KCTD8: variants seen among roughly 807,000 people sequenced by gnomAD.
KCTD8 encodes BTB/POZ domain-containing protein KCTD8.
A neutral mutation model predicts 31.5 loss-of-function variants in KCTD8; 27 were observed. The ratio of observed to expected loss-of-function variants is 0.86; its 90% CI spans 0.63 to 1.18. The LOEUF (loss-of-function observed/expected upper bound fraction) is 1.18. KCTD8 is among the 50% of genes most tolerant of loss of function. KCTD8 has a pLI of 0.00. For synonymous variants in KCTD8, 290 were observed against 280.0 expected (o/e 1.04, Z -0.36); for missense variants, 658 against 647.7 (o/e 1.02, Z -0.17).
intron 1 of KCTD8, among the ~76,000 whole-genome samples, chr4:44,325,869 C>G (rs1718430636): frequency 6.6e-6 from 1 of 151,870 alleles, no homozygotes; most frequent in African/African-American, 2.4e-5. Flanking sequence ...TCACCACAAA[C>G]AAGACAGGAA....
intron 1 of KCTD8, among the ~76,000 whole-genome samples, chr4:44,388,899 A>C (rs1481717467): frequency 2.7e-5 from 4 of 149,620 alleles, no homozygotes; most frequent in Non-Finnish European, 5.9e-5. Flanking sequence ...CCACCAAAAA[A>C]AGATAATGTG....
At chr4:44,283,065 T>C (rs1716946199) in intron 1 of KCTD8, among the ~76,000 whole-genome samples, 1 of 122,676 alleles carries the variant, frequency 8.2e-6, no homozygotes, top group African/African-American at 2.7e-5. Flanking sequence ...ATTATTATTA[T>C]TATTATTATT....
intron 1 of KCTD8, among the ~76,000 whole-genome samples, chr4:44,272,107 C>T (rs1001769425): frequency 1.5e-5 from 2 of 130,722 alleles, no homozygotes; most frequent in Non-Finnish European, 3.0e-5. Context: ...TCAATAAATA[C>T]CCATGGTATT....
At chr4:44,428,391 C>A (rs528238679) in intron 1 of KCTD8, among the ~76,000 whole-genome samples, 7 of 151,596 alleles carry the variant, frequency 4.6e-5, no homozygotes, top group African/African-American at 7.2e-5. Flanking sequence ...AGAGAAGTGG[C>A]GTAGAAGTCA....
rs1217410655 is a variant in KCTD8, at chr4:44,328,889, C to T, written c.961+118674G>A. Among the ~76,000 whole-genome samples, 3 of 151,834 alleles carry T rather than the reference C, an allele frequency of 2.0e-5. No homozygotes were observed. The East Asian group carries it at 5.8e-4, about 29-fold the overall frequency. On this transcript the variant is annotated intron_variant, in intron 1 of 1. Transcript: ENST00000360029. ...TCCATGGCAGCTAAGGACAGGAGTA[C>T]AAGGGGAAGGAAAACTGGGTTCCAG... is the stretch of plus-strand genomic sequence containing the variant.
intron 1 of KCTD8, among the ~76,000 whole-genome samples, chr4:44,407,412 A>G (rs1461381305): frequency 6.8e-6 from 1 of 146,490 alleles, no homozygotes; most frequent in African/African-American, 2.5e-5. Context: ...TTGGAGATAC[A>G]GTTTCACTCT....
intron 1 of KCTD8, among the ~76,000 whole-genome samples, chr4:44,414,618 T>C (rs978254769): frequency 2.0e-5 from 3 of 152,198 alleles, no homozygotes; most frequent in African/African-American, 4.8e-5. Context: ...CCAGCTATAA[T>C]CCCTTCATGT....
At chr4:44,218,044 CCTGA>C (rs1714699719) in intron 1 of KCTD8, among the ~76,000 whole-genome samples, 3 of 151,948 alleles carry the variant, frequency 2.0e-5, no homozygotes, top group Admixed American at 2.0e-4. Flanking sequence ...TCTGCAGGAC[CCTGA>C]CTAACAAAGA....
At chr4:44,323,946 T>C (rs1169738260) in intron 1 of KCTD8, among the ~76,000 whole-genome samples, 2 of 151,408 alleles carry the variant, frequency 1.3e-5, no homozygotes, top group Admixed American at 6.6e-5. Flanking sequence ...TAATGCTAGA[T>C]GACGAGTTAG....
At chr4:44,348,098 T>C (rs537879828) in intron 1 of KCTD8, among the ~76,000 whole-genome samples, 15 of 152,138 alleles carry the variant, frequency 9.9e-5, no homozygotes, top group Admixed American at 7.9e-4. Context: ...TCAAATAACA[T>C]AGAAGGACAA....
At chr4:44,299,789 G>A (rs1386232620) in intron 1 of KCTD8, among the ~76,000 whole-genome samples, 1 of 137,418 alleles carries the variant, frequency 7.3e-6, no homozygotes, top group Non-Finnish European at 1.6e-5. Context: ...TTTTTTTGGA[G>A]ACGGAGTCTC....
intron 1 of KCTD8, among the ~76,000 whole-genome samples, chr4:44,381,019 C>CT (rs1720050509): frequency 6.6e-6 from 1 of 151,968 alleles, no homozygotes; most frequent in Non-Finnish European, 1.5e-5. Flanking sequence ...AATATAATGT[C>CT]TACCTCAGCT....
intron 1 of KCTD8, among the ~76,000 whole-genome samples, chr4:44,218,691 C>T (rs1223729310): frequency 6.6e-6 from 1 of 151,566 alleles, no homozygotes; most frequent in Admixed American, 6.6e-5. Flanking sequence ...TTGGTTACTG[C>T]TGCAAAATCA....
At chr4:44,376,246 T>C (rs1320248088) in intron 1 of KCTD8, among the ~76,000 whole-genome samples, 1 of 152,114 alleles carries the variant, frequency 6.6e-6, no homozygotes, top group Non-Finnish European at 1.5e-5. Context: ...TGGAACTGTC[T>C]CTTCTCATGT....
At chr4:44,222,538 C>A (rs1008052214) in intron 1 of KCTD8, among the ~76,000 whole-genome samples, 5 of 152,316 alleles carry the variant, frequency 3.3e-5, no homozygotes, top group African/African-American at 1.2e-4. Context: ...TGTCATACTG[C>A]AAAATGTGAG....
At chr4:44,266,199 C>A (rs1197169228) in intron 1 of KCTD8, among the ~76,000 whole-genome samples, 1 of 152,180 alleles carries the variant, frequency 6.6e-6, no homozygotes, top group African/African-American at 2.4e-5. Context: ...GATCTCTCAG[C>A]AGAAACTCTA....
At chr4:44,404,156 G>A (rs1181622106) in intron 1 of KCTD8, among the ~76,000 whole-genome samples, 4 of 152,024 alleles carry the variant, frequency 2.6e-5, no homozygotes, top group Non-Finnish European at 4.4e-5. Context: ...CGAAAAACAT[G>A]TAGACTCCAT....
At chr4:44,444,654 A>G (rs1721894240) in intron 1 of KCTD8, among the ~76,000 whole-genome samples, 1 of 152,222 alleles carries the variant, frequency 6.6e-6, no homozygotes, top group Admixed American at 6.5e-5. Flanking sequence ...CCTGTAATAC[A>G]GGTGAGGAAA....
intron 1 of KCTD8, among the ~76,000 whole-genome samples, chr4:44,412,597 A>G (rs1419357128): frequency 6.6e-6 from 1 of 152,190 alleles, no homozygotes; most frequent in East Asian, 1.9e-4. Flanking sequence ...GAGAGCATTA[A>G]GCCACATAGC....
Sources: allele counts gnomAD v4.1 joint callset (sites outside exome capture counted in the v4.1 genomes callset), GRCh38; gene constraint gnomAD v4.1.1; transcripts MANE v1.5; gene names NCBI Gene and HGNC (gene_info 2026-07-23, HGNC 2026-07-21).